Variants in POLR1A observed in about 807,000 individuals in gnomAD.
The protein encoded by POLR1A is DNA-directed RNA polymerase I subunit RPA1.
POLR1A carries 84 observed loss-of-function variants against 205.3 expected under a neutral mutation model. The observed-to-expected ratio is 0.41, with a 90% CI of 0.34 to 0.49. The LOEUF (loss-of-function observed/expected upper bound fraction) is 0.49. POLR1A is among the 20% of genes least tolerant of loss of function. The pLI, the probability that POLR1A is intolerant of heterozygous loss-of-function variation, is 0.22. For missense variants in POLR1A, 1,645 were observed against 2,204.5 expected (o/e 0.75, Z 5.08); for synonymous variants, 799 against 863.7 (o/e 0.93, Z 1.31).
At chr2:86,064,074 T>C (rs1673046114) in intron 14 of POLR1A, among the ~76,000 whole-genome samples, 2 of 152,252 alleles carry the variant, frequency 1.3e-5, no homozygotes, top group Admixed American at 1.3e-4. Context: ...TTTAAAATCC[T>C]CTGTACCAAA....
intron 15 of POLR1A, among the ~76,000 whole-genome samples, chr2:86,053,374 G>A (rs922992234): frequency 1.3e-5 from 2 of 152,028 alleles, no homozygotes. Context: ...GACCGGACAT[G>A]GGAGCTTCTA....
intron 1 of POLR1A, among the ~76,000 whole-genome samples, chr2:86,103,301 G>C (rs949657827): frequency 6.6e-6 from 1 of 152,156 alleles, no homozygotes; most frequent in African/African-American, 2.4e-5. Flanking sequence ...GAGTGCAAAG[G>C]TCCTGAGGTG....
intron 3 of POLR1A, among the ~76,000 whole-genome samples, chr2:86,097,851 C>G (rs1673735173): frequency 6.6e-6 from 1 of 152,026 alleles, no homozygotes; most frequent in African/African-American, 2.4e-5. Context: ...CCATAGCTAA[C>G]AATAATATAG....
At chr2:86,064,273 A>C (rs544822902) in intron 14 of POLR1A, among the ~76,000 whole-genome samples, 72 of 152,296 alleles carry the variant, frequency 4.7e-4, no homozygotes, top group African/African-American at 1.7e-3. Flanking sequence ...ATCAGAACTT[A>C]GCTTAGCAAG....
At chr2:86,043,241 G>T in intron 22 of POLR1A, 46 bp from the exon 23 acceptor site, 1 of 1,485,708 alleles carries the variant, frequency 6.7e-7, no homozygotes, top group Non-Finnish European at 9.4e-7. Flanking sequence ...ACACACATGA[G>T]ATCAAAGAGA....
At chr2:86,042,232 C>A in intron 23 of POLR1A, 129 bp from the exon 24 acceptor site, 1 of 694,928 alleles carries the variant, frequency 1.4e-6, no homozygotes, top group Non-Finnish European at 2.5e-6. Flanking sequence ...GAAACCATCT[C>A]CCCATTTAAA....
rs2104374545 is a variant in POLR1A at position 86,026,421 on chromosome 2, G to A, written c.*1002C>T. The A allele has an allele frequency of 6.6e-6, 1 of 152,316 alleles. No homozygotes were observed. Among genetic ancestry groups the A allele is most frequent in the South Asian group, 2.1e-4 (1 of 4,826 alleles). The allele number at this position is 152,316 out of a possible 1,614,324, so 9.4% of individuals were successfully genotyped here. On this transcript the variant is annotated 3_prime_UTR_variant, in exon 34 of 34. Coordinates refer to ENST00000263857, the MANE Select transcript of POLR1A (RefSeq NM_015425.6). Reference sequence around the variant, plus strand: ...CTGAGCTGAAATAACAGTAGACAAAGATAGAAGCTAGCCTCTGGTTTTACA... The same window carrying A: ...CTGAGCTGAAATAACAGTAGACAAAAATAGAAGCTAGCCTCTGGTTTTACA...
rs2104427977 is a variant in POLR1A at position 86,088,570 on chromosome 2, G to A, written c.726C>T (p.Pro242=). Residue 242 remains proline (P), a synonymous_variant, in exon 6 of 34, where the codon CCC becomes CCT. Transcript: ENST00000263857. ...HRTAGQKDSE[P]LGIEEAQIGK... Reference sequence around the variant, plus strand: ...CTCCAGACCCAGCCTGCTCACCCAGGGGCTCAGAGTCCTTCTGGCCAGCTG... The same window carrying A: ...CTCCAGACCCAGCCTGCTCACCCAGAGGCTCAGAGTCCTTCTGGCCAGCTG... 1 of 1,610,152 alleles carries A rather than the reference G, an allele frequency of 6.2e-7. No homozygotes were observed. The highest frequency in any genetic ancestry group is 1.7e-5 in the Admixed American group (1 of 60,020).
intron 11 of POLR1A, among the ~76,000 whole-genome samples, chr2:86,077,298 G>A (rs968234800): frequency 4.6e-5 from 7 of 152,178 alleles, no homozygotes; most frequent in Admixed American, 3.9e-4. Flanking sequence ...GAGGGGGTCG[G>A]GGGGAGAGCA....
In POLR1A at chr2:86,028,531, C is replaced by T. The variant is rs142931486; in HGVS notation, c.4897+63G>A. 121 of 1,199,264 alleles carry T rather than the reference C, an allele frequency of 1.0e-4. No individual in the cohort carries two copies. In the African/African-American group the frequency reaches 1.2e-3, roughly 12 times the overall value. 74.3% of individuals were successfully genotyped at this position (1,199,264 alleles called of 1,614,324 possible). On this transcript the variant is annotated intron_variant, in intron 32 of 33. Transcript: ENST00000263857. The surrounding 1 kb of genome is among the most constrained non-coding windows in gnomAD (Gnocchi z 4.5). ...ACCGACACGGTCCTGACCCTCCTGCCGAGCCTTCTGGTGTCCTGGCTGGTG... is the reference window on the plus strand; with the variant it reads ...ACCGACACGGTCCTGACCCTCCTGCTGAGCCTTCTGGTGTCCTGGCTGGTG...
At chr2:86,080,105 C>T (rs1028975785) in intron 9 of POLR1A, among the ~76,000 whole-genome samples, 3 of 152,084 alleles carry the variant, frequency 2.0e-5, no homozygotes, top group Non-Finnish European at 1.5e-5. Context: ...TGGCAGACAG[C>T]GGGACTGTCG....
chr2:86,069,948 G>T, intron 13 of POLR1A, 70 bp downstream of exon 13: 2 of 1,521,894 alleles, frequency 1.3e-6, no homozygotes, highest in Non-Finnish European at 8.8e-7. Flanking sequence ...CCAGGGGCTG[G>T]CAGGGCCCAA....
At chr2:86,055,337 G>C (rs1216507270) in intron 14 of POLR1A, among the ~76,000 whole-genome samples, 3 of 152,136 alleles carry the variant, frequency 2.0e-5, no homozygotes, top group Non-Finnish European at 4.4e-5. Flanking sequence ...GCAGTTATAA[G>C]AGCAGCTGCC....
Position 86,032,255 on chromosome 2 carries a change from C to G in POLR1A, c.4272+17G>C, listed in dbSNP as rs373782870. The G allele has an allele frequency of 2.4e-4, 376 of 1,539,256 alleles. No homozygotes were observed. Among genetic ancestry groups the G allele is most frequent in the Non-Finnish European group, 1.1e-4 (119 of 1,111,866 alleles). ...GGCTGGGACCACAGCTCCTTCACCC[C>G]ACACAGGGTCTCTCACCTCCTCCTC... is the stretch of plus-strand genomic sequence containing the variant. On this transcript the variant is annotated intron_variant, in intron 29 of 33. Coordinates refer to ENST00000263857, the MANE Select transcript of POLR1A (RefSeq NM_015425.6).
rs1439527325 is a variant in POLR1A at position 86,023,009 on chromosome 2, T to C, written c.*4414A>G. 1.3e-5 allele frequency: 2 copies of C among 152,292 alleles called. No homozygotes were observed. The highest frequency in any genetic ancestry group is 4.1e-4 in the South Asian group (2 of 4,822). 9.4% of individuals were successfully genotyped at this position (152,292 alleles called of 1,614,324 possible). ...GATTCTCCTGCCTCAGCCTCCTGAG[T>C]AGCTGGGTGAAACCCCATCTCTACT... On this transcript the variant is annotated 3_prime_UTR_variant, in exon 34 of 34. Transcript: ENST00000263857.
Position 86,041,993 on chromosome 2 carries a change from A to T in POLR1A, c.3468T>A (p.Phe1156Leu). 6.2e-7 allele frequency: 1 copy of T among 1,614,106 alleles called. No homozygotes were observed. Among genetic ancestry groups the T allele is most frequent in the Non-Finnish European group, 8.5e-7 (1 of 1,179,960 alleles). ...SLSVWRPDIY[F>L]ASVSETFETK... is the part of the protein sequence containing the mutation. ...TTTCAAATGTTTCTGACACTGATGC[A>T]AAGTAGATGTCAGGACGCCAGACAG... Residue 1156 changes from phenylalanine (F) to leucine (L), a missense_variant, in exon 24 of 34, where the codon TTT (phenylalanine) becomes TTA (leucine). Around this residue, in one of 16 missense-constraint regions of POLR1A, gnomAD observed 201 missense variants for 222.3 expected, o/e 0.90. Coordinates refer to ENST00000263857, the MANE Select transcript of POLR1A (RefSeq NM_015425.6).
At chr2:86,041,759 C>T (rs1573806608) in intron 24 of POLR1A, 130 bp downstream of exon 24, 2 of 749,028 alleles carry the variant, frequency 2.7e-6, no homozygotes, top group South Asian at 1.6e-5. Context: ...TGTCTTACTG[C>T]CCTCCCTCTA....
chr2:86,045,567 T>C (rs1008081124), intron 20 of POLR1A, 50 bp downstream of exon 20: 1 of 1,597,736 alleles, frequency 6.3e-7, no homozygotes, highest in Middle Eastern at 1.7e-4. Flanking sequence ...CACCTACAAT[T>C]AAGCCTAGAA....
At chr2:86,082,272 A>G (rs970706203) in intron 7 of POLR1A, among the ~76,000 whole-genome samples, 7 of 152,200 alleles carry the variant, frequency 4.6e-5, no homozygotes, top group African/African-American at 1.7e-4. Context: ...AGGATGGGGA[A>G]GAAACTTCAC....
Sources: allele counts gnomAD v4.1 joint callset (sites outside exome capture counted in the v4.1 genomes callset), GRCh38; gene constraint gnomAD v4.1.1; regional missense constraint gnomAD v4.1.1; non-coding constraint Gnocchi (gnomAD v3.1); transcripts MANE v1.5; gene names NCBI Gene and HGNC (gene_info 2026-07-23, HGNC 2026-07-21).